GARS1: variants seen among roughly 807,000 people sequenced by gnomAD.
GARS1 encodes glycine--tRNA ligase.
Under a neutral mutation model 86.4 loss-of-function variants are expected in GARS1, and 46 were observed. The ratio of observed to expected loss-of-function variants is 0.53; its 90% confidence interval spans 0.42 to 0.68. The LOEUF is 0.68. Ranked by LOEUF, GARS1 falls within the 30% of genes least tolerant of loss-of-function variation. The probability of loss-of-function intolerance (pLI) is 0.00; values close to 1 mark genes in which losing one functional copy is unlikely to be tolerated. For synonymous variants in GARS1, 342 were observed against 329.8 expected, an observed-to-expected ratio of 1.04 and a Z score of -0.40; for missense variants, 797 against 915.6, an observed-to-expected ratio of 0.87 and a Z score of 1.67.
At chr7:30,606,305 C>CTTTTT (rs35302357) in intron 6 of GARS1, among the ~76,000 whole-genome samples, 4 of 127,514 alleles carry the variant, frequency 3.1e-5, no homozygotes, top group Non-Finnish European at 6.5e-5. Context: ...CATTGTTATT[C>CTTTTT]TTTTTTTTTT....
At position 30,601,150 on chromosome 7, in the gene GARS1, A is replaced by T. The variant is rs1372932884; in HGVS notation, c.519A>T (p.Glu173Asp). The T allele has an allele frequency of 6.2e-7, 1 of 1,614,158 alleles. No individual in the cohort carries two copies. Among genetic ancestry groups the T allele is most frequent in the Non-Finnish European group, 8.5e-7 (1 of 1,179,996 alleles). ...QTWRQHFIQEEQILEIDCTML... is the reference protein window; with the variant it reads ...QTWRQHFIQEDQILEIDCTML... ...GGAGGCAGCACTTTATCCAAGAGGAACAGATCCTGGAGATCGATTGCACCA... is the reference window on the plus strand; with the variant it reads ...GGAGGCAGCACTTTATCCAAGAGGATCAGATCCTGGAGATCGATTGCACCA... The change falls in exon 4 of 17, where the codon GAA becomes GAT. Residue 173 changes from glutamate (E) to aspartate (D), a missense_variant. Around this residue, in one of 2 missense-constraint regions of GARS1, gnomAD observed 598 missense variants for 738.7 expected, o/e 0.81. Transcript: ENST00000389266.
Position 30,632,160 on chromosome 7 carries a change from T to C in GARS1, c.1904-87T>C. 1 of 1,257,716 alleles carries C rather than the reference T, an allele frequency of 8.0e-7. No homozygotes were observed. Among genetic ancestry groups the C allele is most frequent in the Non-Finnish European group, 1.1e-6 (1 of 876,478 alleles). 77.9% of individuals were successfully genotyped at this position (1,257,716 alleles called of 1,614,324 possible). A position where few individuals can be genotyped will look rare whatever the true frequency, so the allele number is the denominator to read the frequency against. On this transcript the variant is annotated intron_variant, in intron 15 of 16. Transcript: ENST00000389266. This position sits in a 1 kb window ranked among gnomAD's most constrained non-coding sequence, Gnocchi z 4.1. Reference sequence around the variant, plus strand: ...TTCTTGTCTTGGTCCCATTTATAAGTCTCCTGAGCTTGTAAGACAGTAGTT... The same window carrying C: ...TTCTTGTCTTGGTCCCATTTATAAGCCTCCTGAGCTTGTAAGACAGTAGTT...
At chr7:30,605,238 T>C (rs1169431058) in intron 6 of GARS1, among the ~76,000 whole-genome samples, 1 of 152,246 alleles carries the variant, frequency 6.6e-6, no homozygotes, top group Non-Finnish European at 1.5e-5. Context: ...AGGCCCTGAT[T>C]CACCTTCTGT....
chr7:30,611,404 T>G (rs189999364), intron 7 of GARS1, among the ~76,000 whole-genome samples: 1 of 152,372 alleles, frequency 6.6e-6, no homozygotes, highest in Non-Finnish European at 1.5e-5. Flanking sequence ...CCAAAGGACC[T>G]AAGATTGTCA....
intron 3 of GARS1, 127 bp from the exon 4 acceptor site, chr7:30,600,932 T>C (rs1315380130): frequency 4.7e-6 from 4 of 842,552 alleles, no homozygotes; most frequent in African/African-American, 3.4e-5. Flanking sequence ...TCTTCAGTAT[T>C]GAGGGATTTG....
At chr7:30,601,984 A>G (rs960255716) in intron 4 of GARS1, among the ~76,000 whole-genome samples, 5 of 149,950 alleles carry the variant, frequency 3.3e-5, no homozygotes, top group South Asian at 2.1e-4. Flanking sequence ...GGGTTTCACC[A>G]TGTTAGCCAG....
chr7:30,627,526 A>G (rs972257760), intron 13 of GARS1, among the ~76,000 whole-genome samples: 2 of 152,242 alleles, frequency 1.3e-5, no homozygotes, highest in Non-Finnish European at 2.9e-5. Context: ...ATGACCAGTT[A>G]TCTTAGACCT....
intron 12 of GARS1, among the ~76,000 whole-genome samples, chr7:30,624,834 T>A (rs1013614186): frequency 6.6e-6 from 1 of 152,206 alleles, no homozygotes; most frequent in African/African-American, 2.4e-5. Flanking sequence ...TAAAACAATA[T>A]CAAATCCCAT....
At chr7:30,624,540 G>A (rs1246666941) in intron 12 of GARS1, among the ~76,000 whole-genome samples, 1 of 152,006 alleles carries the variant, frequency 6.6e-6, no homozygotes, top group African/African-American at 2.4e-5. Context: ...TATGTGAAAT[G>A]GTGTAATATT....
intron 9 of GARS1, among the ~76,000 whole-genome samples, chr7:30,616,433 T>G (rs1321685965): frequency 6.6e-6 from 1 of 152,184 alleles, no homozygotes; most frequent in African/African-American, 2.4e-5. Flanking sequence ...CCCATAGCAG[T>G]GGAATAAGGC....
chr7:30,633,402 C>G (rs1783276142), intron 16 of GARS1, among the ~76,000 whole-genome samples: 1 of 152,222 alleles, frequency 6.6e-6, no homozygotes, highest in Non-Finnish European at 1.5e-5. Flanking sequence ...GGCTGAGGAA[C>G]AGTAGCCTTG....
At chr7:30,620,726 G>A (rs1584042863) in intron 10 of GARS1, among the ~76,000 whole-genome samples, 1 of 152,116 alleles carries the variant, frequency 6.6e-6, no homozygotes, top group East Asian at 1.9e-4. Flanking sequence ...CTTATACTGA[G>A]TTTTCTTTTG....
chr7:30,595,009 C>G lies in GARS1; in HGVS notation c.88C>G (p.Leu30Val). The G allele has an allele frequency of 6.3e-7, 1 of 1,584,106 alleles. No individual in the cohort carries two copies. The highest frequency in any genetic ancestry group is 8.5e-7 in the Non-Finnish European group (1 of 1,172,820). ...GCCCCGGCTCTTAGCCCGACCCTCG[C>G]TCCTGCTCCGCCGGTCCCTCAGCGC... Reference protein sequence around the residue: ...LPPRLLARPSLLLRRSLSAAS... With the variant: ...LPPRLLARPSVLLRRSLSAAS... Residue 30 changes from leucine (L) to valine (V), a missense_variant, in exon 1 of 17, where the codon CTC becomes GTC. By Grantham distance (32) the Leu-to-Val change is conservative. Around this residue, in one of 2 missense-constraint regions of GARS1, gnomAD observed 199 missense variants for 176.9 expected, o/e 1.12. Transcript: ENST00000389266.
Position 30,622,307 on chromosome 7 carries a change from T to C in GARS1, c.1468-10T>C. ...GTGCTGTAGTTTTGGATTCCTTGAC[T>C]ACTTCATACAAAACAGTCAATGTTG... On this transcript the variant is annotated splice_polypyrimidine_tract_variant and intron_variant, in intron 11 of 16. Coordinates refer to ENST00000389266, the MANE Select transcript of GARS1 (RefSeq NM_002047.4). 1 of 1,614,074 alleles carries C rather than the reference T, an allele frequency of 6.2e-7. No individual in the cohort carries two copies. Among genetic ancestry groups the C allele is most frequent in the Non-Finnish European group, 8.5e-7 (1 of 1,179,976 alleles).
chr7:30,622,836 C>T (rs932995074), intron 12 of GARS1: 4 of 288,510 alleles, frequency 1.4e-5, no homozygotes, highest in African/African-American at 6.6e-5. Flanking sequence ...CACAGTGGCT[C>T]ATGGCTGTAA....
rs780116880 is a variant in GARS1 at position 30,603,102 on chromosome 7, G to A, written c.638G>A (p.Arg213His). ...GACGTAAAAAATGGAGAATGTTTTCGTGCTGACCATCTATTAAAAGGTGAG... is the reference window on the plus strand; with the variant it reads ...GACGTAAAAAATGGAGAATGTTTTCATGCTGACCATCTATTAAAAGGTGAG... ...VKDVKNGECF[R>H]ADHLLKAHLQ... The change falls in exon 5 of 17, where the codon CGT becomes CAT. Residue 213 changes from arginine (R) to histidine (H), a missense_variant. Arg to His is a conservative substitution (Grantham distance 29). Coordinates refer to ENST00000389266, the MANE Select transcript of GARS1 (RefSeq NM_002047.4). The A allele has an allele frequency of 3.1e-6, 5 of 1,613,602 alleles. No homozygotes were observed. The highest frequency in any genetic ancestry group is 4.2e-6 in the Non-Finnish European group (5 of 1,179,634).
intron 1 of GARS1, chr7:30,595,759 CT>C (rs770927926): frequency 6.8e-5 from 32 of 471,014 alleles, no homozygotes; most frequent in Non-Finnish European, 1.3e-4. Context: ...AGGTGTCGAA[CT>C]TTTCTATTAA....
upstream of GARS1, chr7:30,594,852 A>T (rs1203341095): frequency 3.7e-6 from 5 of 1,347,338 alleles, no homozygotes; most frequent in African/African-American, 4.4e-5. Flanking sequence ...CGATTTCATC[A>T]TGCTCCGAGC....
Position 30,594,898 on chromosome 7 carries a change from T to C in GARS1, c.-24T>C, listed in dbSNP as rs1439660813. The C allele has an allele frequency of 2.6e-6, 4 of 1,535,802 alleles. 1 individual carries two copies. The highest frequency in any genetic ancestry group is 1.2e-5 in the South Asian group (1 of 84,264). ...GCGCCGCTTCCGTCGCCACCCTCTC[T>C]GGACAGCCCAGGGCCGCAGGCTCAT... On this transcript the variant is annotated 5_prime_UTR_variant, in exon 1 of 17. Transcript: ENST00000389266.
Sources: gnomAD v4.1 joint callset for allele counts (sites outside exome capture counted in the v4.1 genomes callset) on GRCh38, gnomAD v4.1.1 for gene constraint, gnomAD v4.1.1 regional missense constraint, Gnocchi (gnomAD v3.1) non-coding constraint, MANE v1.5 for transcripts, NCBI Gene and HGNC (gene_info 2026-07-23, HGNC 2026-07-21) for gene names.